ARL15: variants seen among roughly 807,000 people sequenced by gnomAD.
ARL15 encodes ARF like GTPase 15.
ARL15 carries 19 observed loss-of-function variants against 25.2 expected under a neutral mutation model. That is an observed-to-expected ratio of 0.75 (90% CI 0.53 to 1.10). The LOEUF (loss-of-function observed/expected upper bound fraction) is 1.10, where lower values mean the gene tolerates loss of function less well. ARL15 is among the 50% of genes least tolerant of loss of function. ARL15 has a pLI of 0.00. For missense variants in ARL15, 220 were observed against 246.0 expected (o/e 0.89, Z 0.71); for synonymous variants, 94 against 86.8 (o/e 1.08, Z -0.46).
intron 3 of ARL15, among the ~76,000 whole-genome samples, chr5:54,149,354 G>A (rs562787697): frequency 2.6e-4 from 40 of 151,916 alleles, no homozygotes; most frequent in African/African-American, 9.4e-4. Flanking sequence ...TTAAACAGGT[G>A]TAATATCTTG....
chr5:53,957,065 TA>T lies in ARL15; in HGVS notation c.463-70353del, dbSNP rs571942134. 5.3e-5 allele frequency among the ~76,000 whole-genome samples: 8 copies of T among 151,288 alleles called. No individual in the cohort carries two copies. In the South Asian group the frequency reaches 1.7e-3, roughly 32 times the overall value. The stretch of plus-strand genomic sequence containing the variant: ...ATAATGGCTAAAAACTCCCCAAATG[TA>T]AAAAAAAGACACAAATCTATACAGT... On this transcript the variant is annotated intron_variant, in intron 4 of 4. Coordinates refer to ENST00000504924, the MANE Select transcript of ARL15 (RefSeq NM_019087.3).
intron 1 of ARL15, among the ~76,000 whole-genome samples, chr5:54,241,260 TA>T (rs1301597655): frequency 6.6e-6 from 1 of 152,056 alleles, no homozygotes; most frequent in Non-Finnish European, 1.5e-5. Context: ...CTAGATTACC[TA>T]AAAAAACCTA....
chr5:53,971,644 T>G (rs1415902647), intron 4 of ARL15, among the ~76,000 whole-genome samples: 2 of 152,100 alleles, frequency 1.3e-5, no homozygotes, highest in East Asian at 3.9e-4. Context: ...TTACTTGAGT[T>G]GGATGATATG....
chr5:54,224,773 C>T (rs1756472919), intron 1 of ARL15, among the ~76,000 whole-genome samples: 1 of 152,144 alleles, frequency 6.6e-6, no homozygotes, highest in Non-Finnish European at 1.5e-5. Flanking sequence ...GCACATACTA[C>T]TTTTTGTGGT....
chr5:53,922,504 T>C (rs957309461), intron 4 of ARL15, among the ~76,000 whole-genome samples: 3 of 152,184 alleles, frequency 2.0e-5, no homozygotes, highest in African/African-American at 7.2e-5. Flanking sequence ...ATTTAAGATA[T>C]TAAAGATGGA....
chr5:54,041,100 A>G (rs1470323264), intron 4 of ARL15, among the ~76,000 whole-genome samples: 1 of 152,246 alleles, frequency 6.6e-6, no homozygotes, highest in Admixed American at 6.5e-5. Context: ...AGTGAGACAC[A>G]TACAAGACAA....
At chr5:54,085,165 G>A (rs1237425325) in intron 4 of ARL15, among the ~76,000 whole-genome samples, 1 of 152,136 alleles carries the variant, frequency 6.6e-6, no homozygotes, top group African/African-American at 2.4e-5. Context: ...GGGAAACAAT[G>A]ACAATAAGAA....
chr5:54,217,945 A>G (rs544069655), intron 1 of ARL15, among the ~76,000 whole-genome samples: 85 of 151,826 alleles, frequency 5.6e-4, no homozygotes, highest in Middle Eastern at 3.4e-3. Context: ...GGGAAAAAAA[A>G]TCACCCAAAC....
At chr5:54,189,048 T>G (rs965929438) in intron 1 of ARL15, among the ~76,000 whole-genome samples, 1 of 152,106 alleles carries the variant, frequency 6.6e-6, no homozygotes, top group Non-Finnish European at 1.5e-5. Context: ...AAAAGGAAAT[T>G]ATGAAAATAA....
chr5:54,153,256 A>G (rs1391877270), intron 3 of ARL15, among the ~76,000 whole-genome samples: 1 of 152,194 alleles, frequency 6.6e-6, no homozygotes, highest in Admixed American at 6.5e-5. Flanking sequence ...GAAATTTTAA[A>G]TAGGAGAAAG....
At chr5:53,919,316 T>C (rs1013668238) in intron 4 of ARL15, among the ~76,000 whole-genome samples, 9 of 152,156 alleles carry the variant, frequency 5.9e-5, no homozygotes, top group African/African-American at 2.2e-4. Context: ...AGGGAAGCCA[T>C]TGAAATGAAT....
intron 1 of ARL15, among the ~76,000 whole-genome samples, chr5:54,175,920 G>A (rs1271247408): frequency 6.6e-6 from 1 of 152,172 alleles, no homozygotes; most frequent in East Asian, 1.9e-4. Flanking sequence ...CCAAAGTGCT[G>A]AGATTACACA....
chr5:54,018,791 G>A (rs1315077953), intron 4 of ARL15, among the ~76,000 whole-genome samples: 1 of 152,106 alleles, frequency 6.6e-6, no homozygotes, highest in African/African-American at 2.4e-5. Flanking sequence ...TAAACAAACC[G>A]TAAAGTCTAG....
chr5:54,293,999 G>T (rs1466423338), intron 1 of ARL15, among the ~76,000 whole-genome samples: 1 of 152,074 alleles, frequency 6.6e-6, no homozygotes. Context: ...GCTAATTTTT[G>T]TATTTTAGTT....
intron 4 of ARL15, among the ~76,000 whole-genome samples, chr5:53,908,121 AAG>A (rs1218105870): frequency 6.6e-6 from 1 of 152,198 alleles, no homozygotes; most frequent in Non-Finnish European, 1.5e-5. Flanking sequence ...GAAAAACAGA[AAG>A]AGAGACCACA....
intron 1 of ARL15, among the ~76,000 whole-genome samples, chr5:54,265,871 A>G (rs764180695): frequency 1.3e-5 from 2 of 152,200 alleles, no homozygotes; most frequent in Non-Finnish European, 2.9e-5. Flanking sequence ...AGCAGTTACT[A>G]TATATCAGGT....
intron 4 of ARL15, among the ~76,000 whole-genome samples, chr5:54,015,159 T>C (rs1244750504): frequency 6.6e-6 from 1 of 151,626 alleles, no homozygotes; most frequent in East Asian, 1.9e-4. Flanking sequence ...CCAGGCATGG[T>C]GGTGGGCACC....
chr5:54,252,635 T>G (rs1757262869), intron 1 of ARL15, among the ~76,000 whole-genome samples: 1 of 152,102 alleles, frequency 6.6e-6, no homozygotes, highest in African/African-American at 2.4e-5. Flanking sequence ...AACATGGAGT[T>G]CATTTGGGCC....
At chr5:54,083,087 T>C (rs975660390) in intron 4 of ARL15, among the ~76,000 whole-genome samples, 14 of 152,226 alleles carry the variant, frequency 9.2e-5, no homozygotes, top group African/African-American at 3.1e-4. Flanking sequence ...TTTCACACAA[T>C]GCATTTATTT....
Sources: gnomAD v4.1 joint callset for allele counts (sites outside exome capture counted in the v4.1 genomes callset) on GRCh38, gnomAD v4.1.1 for gene constraint, MANE v1.5 for transcripts, NCBI Gene and HGNC (gene_info 2026-07-23, HGNC 2026-07-21) for gene names.